The following FAM78B variants were observed in gnomAD, a reference collection of about 807,000 sequenced individuals.
FAM78B encodes the protein family with sequence similarity 78 member B.
FAM78B carries 10 observed loss-of-function variants against 20.0 expected under a neutral mutation model. The observed-to-expected ratio is 0.50, with a 90% CI of 0.31 to 0.85. FAM78B has a LOEUF of 0.85. Among genes scored for constraint, FAM78B ranks in the 40% least tolerant of loss-of-function variants. The pLI, the probability that FAM78B is intolerant of heterozygous loss-of-function variation, is 0.05. For synonymous variants in FAM78B, 135 were observed against 132.8 expected (o/e 1.02, Z -0.12); for missense variants, 283 against 345.0 (o/e 0.82, Z 1.42).
chr1:166,109,892 A>T (rs7364552), intron 1 of FAM78B, among the ~76,000 whole-genome samples: 1 of 41,908 alleles, frequency 2.4e-5, no homozygotes, highest in African/African-American at 1.4e-4. Flanking sequence ...GTATATATGT[A>T]TATATATATA....
intron 1 of FAM78B, among the ~76,000 whole-genome samples, chr1:166,112,341 C>A (rs1261043873): frequency 1.3e-5 from 2 of 152,110 alleles, no homozygotes; most frequent in Non-Finnish European, 2.9e-5. Context: ...GTTTTCATTT[C>A]TTGTGATCTT....
chr1:166,166,153 C>G lies in FAM78B; in HGVS notation c.96G>C (p.Thr32=). The stretch of plus-strand genomic sequence containing the variant: ...CGATGGGCGAGGTCTCCTCGATGCG[C>G]GTGGGGCACTGGTCGATGGTGGCGC... ...DVCATIDQCP[T]RIEETSPIVL... Residue 32 remains threonine, a synonymous_variant, in exon 1 of 2, where the codon ACG becomes ACC. Coordinates refer to ENST00000354422, the MANE Select transcript of FAM78B (RefSeq NM_001017961.5). The G allele has an allele frequency of 6.2e-7, 1 of 1,606,246 alleles. No individual in the cohort carries two copies. Among genetic ancestry groups the G allele is most frequent in the Non-Finnish European group, 8.5e-7 (1 of 1,176,338 alleles).
intron 1 of FAM78B, among the ~76,000 whole-genome samples, chr1:166,119,995 C>T (rs999137673): frequency 6.6e-6 from 1 of 152,228 alleles, no homozygotes; most frequent in Non-Finnish European, 1.5e-5. Context: ...TCTACTGTTC[C>T]TTGTGCCTCT....
chr1:166,155,211 A>G (rs537568772), intron 1 of FAM78B, among the ~76,000 whole-genome samples: 2 of 152,212 alleles, frequency 1.3e-5, no homozygotes, highest in South Asian at 4.1e-4. Context: ...AATATCCTGA[A>G]TACTTCCTGA....
rs75716236 is a variant in FAM78B at position 166,096,164 on chromosome 1, C to T, written c.264-25401G>A. 1.1e-3 allele frequency among the ~76,000 whole-genome samples: 168 copies of T among 152,316 alleles called. 2 individuals are homozygous for T. In the East Asian group the frequency reaches 0.024, roughly 22 times the overall value. ...GAAACTCAAATTGCCAGTCGTCCCA[C>T]GAACCTCTGCTGTTCTCAGCAAATT... On this transcript the variant is annotated intron_variant, in intron 1 of 1. Transcript: ENST00000354422.
chr1:166,132,876 A>G (rs778129442), intron 1 of FAM78B, among the ~76,000 whole-genome samples: 2 of 152,190 alleles, frequency 1.3e-5, no homozygotes, highest in Non-Finnish European at 2.9e-5. Context: ...ACTGCTTCAT[A>G]GTATCTGCTG....
chr1:166,077,578 A>C (rs1571138194), intron 1 of FAM78B, among the ~76,000 whole-genome samples: 1 of 145,516 alleles, frequency 6.9e-6, no homozygotes, highest in African/African-American at 2.5e-5. Context: ...TATATAATTT[A>C]TATATATAAA....
intron 1 of FAM78B, among the ~76,000 whole-genome samples, chr1:166,104,429 T>C (rs962462362): frequency 6.6e-5 from 10 of 152,274 alleles, no homozygotes; most frequent in Non-Finnish European, 1.2e-4. Context: ...TGTTTGCAGG[T>C]GACATGATTG....
intron 1 of FAM78B, among the ~76,000 whole-genome samples, chr1:166,080,383 A>G (rs1652516760): frequency 6.6e-6 from 1 of 152,208 alleles, no homozygotes; most frequent in South Asian, 2.1e-4. Context: ...AAGTGTTTAC[A>G]CAGGCACAGC....
At chr1:166,085,253 A>AATGGCAGCATATGCATCTG (rs1481548573) in intron 1 of FAM78B, among the ~76,000 whole-genome samples, 1 of 152,172 alleles carries the variant, frequency 6.6e-6, no homozygotes, top group Non-Finnish European at 1.5e-5. Flanking sequence ...GGCTGAATCT[A>AATGGCAGCATATGCATCTG]ATGGCAGCAT....
chr1:166,157,815 A>G (rs918875080), intron 1 of FAM78B, among the ~76,000 whole-genome samples: 1 of 152,132 alleles, frequency 6.6e-6, no homozygotes, highest in African/African-American at 2.4e-5. Flanking sequence ...AGGTGTAGGC[A>G]CACGGCTAAA....
At chr1:166,103,850 T>C (rs1653649483) in intron 1 of FAM78B, among the ~76,000 whole-genome samples, 1 of 152,204 alleles carries the variant, frequency 6.6e-6, no homozygotes, top group South Asian at 2.1e-4. Flanking sequence ...TTAACTCATT[T>C]TATGAGGCCA....
At chr1:166,077,655 T>C (rs956823582) in intron 1 of FAM78B, among the ~76,000 whole-genome samples, 6 of 126,040 alleles carry the variant, frequency 4.8e-5, no homozygotes, top group African/African-American at 1.9e-4. Flanking sequence ...ATATATAAAT[T>C]ATAATAAATA....
chr1:166,144,791 AAAG>A (rs201269451), intron 1 of FAM78B, among the ~76,000 whole-genome samples: 2,894 of 152,274 alleles, frequency 0.019, 32 homozygotes, highest in Non-Finnish European at 0.029. Context: ...AGAGCCCACA[AAAG>A]AAGGAGAGAC....
At chr1:166,060,534 A>T in exon 3 of FAM78B, 1 of 1,133,880 alleles carries the variant, frequency 8.8e-7, no homozygotes, top group South Asian at 1.3e-5. Context: ...GCAGGATGGC[A>T]CACATTTTAA....
intron 1 of FAM78B, among the ~76,000 whole-genome samples, chr1:166,146,499 G>C (rs1310308580): frequency 1.3e-5 from 2 of 152,182 alleles, no homozygotes; most frequent in East Asian, 3.9e-4. Context: ...ACTTGCTCTT[G>C]TTTACCAGTT....
chr1:166,114,865 T>G (rs192356111), intron 1 of FAM78B, among the ~76,000 whole-genome samples: 50 of 152,324 alleles, frequency 3.3e-4, no homozygotes. Flanking sequence ...AGCTTAGAGT[T>G]AGACTACATC....
At chr1:166,079,998 C>A (rs78490000) in intron 1 of FAM78B, among the ~76,000 whole-genome samples, 2 of 152,146 alleles carry the variant, frequency 1.3e-5, no homozygotes, top group Admixed American at 6.5e-5. Flanking sequence ...ATCAGTGTCA[C>A]GTCTACTTTG....
chr1:166,079,992 G>C (rs1057250054), intron 1 of FAM78B, among the ~76,000 whole-genome samples: 3 of 152,160 alleles, frequency 2.0e-5, no homozygotes, highest in African/African-American at 7.2e-5. Flanking sequence ...CTTACAATCA[G>C]TGTCACGTCT....
Sources: gnomAD v4.1 joint callset for allele counts (sites outside exome capture counted in the v4.1 genomes callset) on GRCh38, gnomAD v4.1.1 for gene constraint, MANE v1.5 for transcripts, NCBI Gene and HGNC (gene_info 2026-07-23, HGNC 2026-07-21) for gene names.